Variants in ZBTB7C observed in about 807,000 individuals in gnomAD.
ZBTB7C encodes zinc finger and BTB domain-containing protein 7C.
ZBTB7C carries 8 observed loss-of-function variants against 25.7 expected under a neutral mutation model. The ratio of observed to expected loss-of-function variants is 0.31; its 90% CI spans 0.18 to 0.56. ZBTB7C has a LOEUF of 0.56. Among genes scored for constraint, ZBTB7C ranks in the 20% least tolerant of loss-of-function variants. The pLI is 0.91. For synonymous variants in ZBTB7C, 394 were observed against 369.0 expected (o/e 1.07, Z -0.78); for missense variants, 824 against 855.2 (o/e 0.96, Z 0.46).
chr18:48,260,305 C>G (rs76310691), intron 2 of ZBTB7C, among the ~76,000 whole-genome samples: 8,669 of 152,164 alleles, frequency 0.057, 551 homozygotes, highest in African/African-American at 0.16. Context: ...TCTGTAATGA[C>G]AGAAAGAAGA....
chr18:48,086,410 GCC>G, intron 3 of ZBTB7C, among the ~76,000 whole-genome samples: 1 of 152,302 alleles, frequency 6.6e-6, no homozygotes, highest in South Asian at 2.1e-4. Context: ...AGGCTCCAGA[GCC>G]TGCATTTCTA....
chr18:48,403,729 G>A (rs961742559), intron 1 of ZBTB7C, among the ~76,000 whole-genome samples: 6 of 152,112 alleles, frequency 3.9e-5, no homozygotes, highest in African/African-American at 7.2e-5. Context: ...TACAGTGTAC[G>A]CTGCTCAGGT....
intron 3 of ZBTB7C, among the ~76,000 whole-genome samples, chr18:48,179,729 CCTCT>C (rs147344316): frequency 2.1e-5 from 3 of 143,572 alleles, no homozygotes; most frequent in African/African-American, 7.8e-5. Flanking sequence ...TCCCTCCCTC[CCTCT>C]CTCTCTCCCT....
At chr18:48,080,894 C>G (rs1037926715) in intron 3 of ZBTB7C, among the ~76,000 whole-genome samples, 5 of 152,222 alleles carry the variant, frequency 3.3e-5, no homozygotes, top group Non-Finnish European at 5.9e-5. Context: ...AGAGCCCGGG[C>G]AAGCCCACGT....
intron 1 of ZBTB7C, among the ~76,000 whole-genome samples, chr18:48,357,291 G>T (rs75859081): frequency 0.034 from 5,103 of 152,292 alleles, 292 homozygotes; most frequent in African/African-American, 0.12. Context: ...GGCTGGGAAG[G>T]GGGAGGGAGG....
intron 3 of ZBTB7C, among the ~76,000 whole-genome samples, chr18:48,077,204 T>C (rs938481246): frequency 6.6e-6 from 1 of 152,016 alleles, no homozygotes; most frequent in African/African-American, 2.4e-5. Flanking sequence ...GGTACAAACT[T>C]CCAGTTATGA....
chr18:48,377,389 T>C (rs879471916), intron 1 of ZBTB7C, among the ~76,000 whole-genome samples: 2 of 151,950 alleles, frequency 1.3e-5, no homozygotes, highest in African/African-American at 2.4e-5. Flanking sequence ...CAGGAGAGAG[T>C]TAACTCTGCT....
At chr18:48,039,170 T>C in intron 4 of ZBTB7C, among the ~76,000 whole-genome samples, 1 of 152,194 alleles carries the variant, frequency 6.6e-6, no homozygotes, top group East Asian at 1.9e-4. Flanking sequence ...CAGCATAAAG[T>C]TGTCCCCCTT....
At chr18:48,168,160 G>C (rs1017597019) in intron 3 of ZBTB7C, among the ~76,000 whole-genome samples, 1 of 152,222 alleles carries the variant, frequency 6.6e-6, no homozygotes, top group South Asian at 2.1e-4. Context: ...CCCAGGTGCT[G>C]TGTGAGGGTT....
At chr18:48,087,787 G>A (rs1159662899) in intron 3 of ZBTB7C, 2 of 121,468 alleles carry the variant, frequency 1.6e-5, no homozygotes, top group African/African-American at 6.4e-5. Flanking sequence ...GCAACAGAAC[G>A]AGACCCTTTC....
At chr18:48,367,313 CAT>C (rs1416937118) in intron 1 of ZBTB7C, among the ~76,000 whole-genome samples, 7 of 114,054 alleles carry the variant, frequency 6.1e-5, no homozygotes, top group Non-Finnish European at 1.2e-4. Context: ...TGTATAGATA[CAT>C]ATATGTGTGT....
intron 2 of ZBTB7C, among the ~76,000 whole-genome samples, chr18:48,327,346 T>G (rs534577341): frequency 4.6e-5 from 7 of 152,274 alleles, no homozygotes; most frequent in African/African-American, 1.7e-4. Context: ...AGCGCAGTGT[T>G]CAAATTCTCA....
intron 3 of ZBTB7C, among the ~76,000 whole-genome samples, chr18:48,139,192 G>T (rs1346250510): frequency 6.6e-6 from 1 of 152,138 alleles, no homozygotes; most frequent in East Asian, 1.9e-4. Context: ...GAGGCAGGAG[G>T]GGGAGTCACT....
In ZBTB7C at chr18:48,040,634, CTCCTCCTCCTCT is replaced by C; in HGVS notation, c.462_473del (p.Glu159_Glu162del). Reference sequence around the variant, plus strand: ...CATCATCGTCATCCTCCTCCTCTTCCTCCTCCTCCTCTTCGTCCTCCTCATCATCATCATCTT... The same window carrying C: ...CATCATCGTCATCCTCCTCCTCTTCCTCGTCCTCCTCATCATCATCATCTT... On this transcript the variant is annotated inframe_deletion, in exon 4 of 5. Coordinates refer to ENST00000590800, the MANE Select transcript of ZBTB7C (RefSeq NM_001318841.2). 6.2e-7 allele frequency: 1 copy of C among 1,609,912 alleles called. No homozygotes were observed. The highest frequency in any genetic ancestry group is 8.5e-7 in the Non-Finnish European group (1 of 1,177,310).
At chr18:48,116,026 T>TCAAGTG (rs2039426542) in intron 3 of ZBTB7C, among the ~76,000 whole-genome samples, 1 of 151,958 alleles carries the variant, frequency 6.6e-6, no homozygotes, top group Non-Finnish European at 1.5e-5. Context: ...CCTTCGCGCC[T>TCAAGTG]ATATATACAT....
chr18:48,290,091 C>T (rs1465796377), intron 2 of ZBTB7C, among the ~76,000 whole-genome samples: 2 of 152,146 alleles, frequency 1.3e-5, no homozygotes, highest in African/African-American at 2.4e-5. Flanking sequence ...TGTGTACTTT[C>T]AAAGAGATAA....
intron 3 of ZBTB7C, among the ~76,000 whole-genome samples, chr18:48,132,728 A>G (rs966960998): frequency 6.6e-6 from 1 of 152,242 alleles, no homozygotes; most frequent in Non-Finnish European, 1.5e-5. Context: ...ACAGGAGCTG[A>G]GACCACTGTC....
At chr18:48,140,792 C>G (rs1429162621) in intron 3 of ZBTB7C, among the ~76,000 whole-genome samples, 1 of 152,080 alleles carries the variant, frequency 6.6e-6, no homozygotes, top group Non-Finnish European at 1.5e-5. Flanking sequence ...TCCTTCCTGG[C>G]CCCCACCCGC....
rs1012093319 is a variant in ZBTB7C at position 48,092,454 on chromosome 18, G to A, written c.-16-51331C>T. On this transcript the variant is annotated intron_variant, in intron 3 of 4. Transcript: ENST00000590800. ...AAGTACAAAAAGAAAGCAAGTTGAA[G>A]TTTTCATGCAGACTAAATTGATATA... Among the ~76,000 whole-genome samples the A allele has an allele frequency of 9.8e-5, 15 of 152,348 alleles. No homozygotes were observed. The East Asian group carries it at 2.5e-3, about 25-fold the overall frequency.
Sources: allele counts gnomAD v4.1 joint callset (sites outside exome capture counted in the v4.1 genomes callset), GRCh38; gene constraint gnomAD v4.1.1; transcripts MANE v1.5; gene names NCBI Gene and HGNC (gene_info 2026-07-23, HGNC 2026-07-21).